GPC6: variants seen among roughly 807,000 people sequenced by gnomAD.
GPC6 encodes the protein glypican 6.
Under a neutral mutation model 55.2 loss-of-function variants are expected in GPC6, and 14 were observed. The ratio of observed to expected loss-of-function variants is 0.25; its 90% confidence interval spans 0.17 to 0.40. The LOEUF is 0.40. Ranked by LOEUF, GPC6 falls within the 10% of genes least tolerant of loss-of-function variation. The pLI, the probability that GPC6 is intolerant of heterozygous loss-of-function variation, is 1.00. For missense variants in GPC6, 641 were observed against 708.5 expected (o/e 0.90, Z 1.08); for synonymous variants, 278 against 259.6 (o/e 1.07, Z -0.68).
chr13:94,048,811 C>T (rs1883828438), intron 4 of GPC6, among the ~76,000 whole-genome samples: 1 of 152,000 alleles, frequency 6.6e-6, no homozygotes, highest in Non-Finnish European at 1.5e-5. Context: ...ATCACCTTCC[C>T]ACTGTGGACC....
intron 4 of GPC6, among the ~76,000 whole-genome samples, chr13:94,148,170 A>G (rs1887624808): frequency 6.6e-6 from 1 of 152,184 alleles, no homozygotes; most frequent in African/African-American, 2.4e-5. Flanking sequence ...TTATCCTGAA[A>G]TAAATCCAAA....
rs1880146208 is a variant in GPC6 at position 94,381,335 on chromosome 13, T to C, written c.1153-1079T>C. 2.0e-5 allele frequency among the ~76,000 whole-genome samples: 3 copies of C among 152,274 alleles called. No homozygotes were observed. The South Asian group carries it at 6.2e-4, about 32-fold the overall frequency. On this transcript the variant is annotated intron_variant, in intron 6 of 8. Transcript: ENST00000377047. Reference sequence around the variant, plus strand: ...CAGTTCTGGGGCTGGAAGTCTGAAATCAAGGTGTCGGCGGGGTTGGGTCCT... The same window carrying C: ...CAGTTCTGGGGCTGGAAGTCTGAAACCAAGGTGTCGGCGGGGTTGGGTCCT...
Position 93,231,947 on chromosome 13 carries a change from C to G in GPC6, c.160+4331C>G, listed in dbSNP as rs547395117. On this transcript the variant is annotated intron_variant, in intron 1 of 8. Transcript: ENST00000377047. ...TATCAAGTATTTATCTAAAAATCTACAGTTTAAAAAGATTATTTGCTTGTT... is the reference window on the plus strand; with the variant it reads ...TATCAAGTATTTATCTAAAAATCTAGAGTTTAAAAAGATTATTTGCTTGTT... Among the ~76,000 whole-genome samples the G allele has an allele frequency of 1.3e-4, 20 of 152,272 alleles. No individual in the cohort carries two copies. In the South Asian group the frequency reaches 3.3e-3, roughly 25 times the overall value.
intron 1 of GPC6, among the ~76,000 whole-genome samples, chr13:93,441,235 G>T (rs529670653): frequency 2.0e-5 from 3 of 152,012 alleles, no homozygotes; most frequent in Admixed American, 6.5e-5. Context: ...GGGTCAAATG[G>T]TATTTCTAGT....
rs561389982 is a variant in GPC6 at position 93,424,906 on chromosome 13, C to T, written c.161-120357C>T. On this transcript the variant is annotated intron_variant, in intron 1 of 8. Transcript: ENST00000377047. ...TATTAGGCCCTTCTCTGGGGAAACA[C>T]TACCTTTCTTCATGGATGTTTGGTT... Among the ~76,000 whole-genome samples, 4 of 152,246 alleles carry T rather than the reference C, an allele frequency of 2.6e-5. No homozygotes were observed. The East Asian group carries it at 5.8e-4, about 22-fold the overall frequency.
At chr13:93,366,141 C>T (rs2087610063) in intron 1 of GPC6, among the ~76,000 whole-genome samples, 3 of 152,026 alleles carry the variant, frequency 2.0e-5, no homozygotes, top group South Asian at 2.1e-4. Flanking sequence ...TAATTATGCT[C>T]TCTTTATATA....
intron 2 of GPC6, among the ~76,000 whole-genome samples, chr13:93,554,563 A>G (rs1392429054): frequency 6.6e-6 from 1 of 152,242 alleles, no homozygotes; most frequent in Admixed American, 6.5e-5. Flanking sequence ...CAAGATTCAA[A>G]TGACAGTGTA....
At chr13:93,960,432 G>A (rs1879714018) in intron 3 of GPC6, among the ~76,000 whole-genome samples, 1 of 152,146 alleles carries the variant, frequency 6.6e-6, no homozygotes, top group South Asian at 2.1e-4. Context: ...ATACACCACA[G>A]TCAGAAAGTC....
chr13:93,383,312 T>G (rs1392443046), intron 1 of GPC6, among the ~76,000 whole-genome samples: 4 of 152,142 alleles, frequency 2.6e-5, no homozygotes, highest in Non-Finnish European at 5.9e-5. Flanking sequence ...CCCAGGCTCA[T>G]GGGATCCTTT....
chr13:93,734,399 A>G (rs1883927979), intron 2 of GPC6, among the ~76,000 whole-genome samples: 1 of 152,162 alleles, frequency 6.6e-6, no homozygotes, highest in South Asian at 2.1e-4. Flanking sequence ...AACCTGAGCA[A>G]TCTGAGTGAC....
At chr13:93,690,234 A>G (rs1882208215) in intron 2 of GPC6, among the ~76,000 whole-genome samples, 1 of 152,070 alleles carries the variant, frequency 6.6e-6, no homozygotes, top group African/African-American at 2.4e-5. Context: ...TTGATATATA[A>G]TTGACCTGGG....
intron 2 of GPC6, among the ~76,000 whole-genome samples, chr13:93,707,387 G>T (rs1212171018): frequency 6.6e-6 from 1 of 150,518 alleles, no homozygotes; most frequent in East Asian, 2.0e-4. Context: ...TTTTAAACAT[G>T]TTTTTTTTAA....
At chr13:93,652,881 G>A (rs527409636) in intron 2 of GPC6, among the ~76,000 whole-genome samples, 1 of 152,304 alleles carries the variant, frequency 6.6e-6, no homozygotes, top group Non-Finnish European at 1.5e-5. Flanking sequence ...AAATACATCT[G>A]CCAAAGACAG....
At chr13:93,399,637 A>AGCTGTGTT (rs1301845138) in intron 1 of GPC6, among the ~76,000 whole-genome samples, 2 of 152,190 alleles carry the variant, frequency 1.3e-5, no homozygotes, top group East Asian at 3.9e-4. Flanking sequence ...ATGCTGTTGA[A>AGCTGTGTT]CATATTTACA....
intron 1 of GPC6, among the ~76,000 whole-genome samples, chr13:93,301,651 T>C (rs190765043): frequency 1.3e-5 from 2 of 152,338 alleles, no homozygotes; most frequent in African/African-American, 4.8e-5. Flanking sequence ...GAACACTGGC[T>C]CATTTAACCT....
At chr13:93,700,866 A>G (rs1252139531) in intron 2 of GPC6, among the ~76,000 whole-genome samples, 1 of 152,126 alleles carries the variant, frequency 6.6e-6, no homozygotes, top group Non-Finnish European at 1.5e-5. Flanking sequence ...GGGAAGGTCA[A>G]GATTATGTGG....
chr13:94,274,027 T>C (rs893884548), intron 4 of GPC6, among the ~76,000 whole-genome samples: 11 of 152,334 alleles, frequency 7.2e-5, no homozygotes, highest in African/African-American at 2.4e-4. Flanking sequence ...TCCTGGCTTA[T>C]GATGTAACTA....
At chr13:93,985,689 C>CAAAAAAAAAAAAAAAAAAAAAAAAAAA (rs34003218) in intron 3 of GPC6, among the ~76,000 whole-genome samples, 1 of 69,400 alleles carries the variant, frequency 1.4e-5, no homozygotes, top group Non-Finnish European at 2.5e-5. Flanking sequence ...AAGACCTGGC[C>CAAAAAAAAAAAAAAAAAAAAAAAAAAA]AAAAAAAAAA....
At chr13:94,267,337 G>A (rs560623966) in intron 4 of GPC6, among the ~76,000 whole-genome samples, 7 of 152,236 alleles carry the variant, frequency 4.6e-5, no homozygotes, top group South Asian at 2.1e-4. Flanking sequence ...TAGTAAATAC[G>A]TACAGTCTAA....
Sources: allele counts gnomAD v4.1 joint callset (sites outside exome capture counted in the v4.1 genomes callset), GRCh38; gene constraint gnomAD v4.1.1; transcripts MANE v1.5; gene names NCBI Gene and HGNC (gene_info 2026-07-23, HGNC 2026-07-21).